ARHGEF18: variants seen among roughly 807,000 people sequenced by gnomAD.
The protein encoded by ARHGEF18 is rho guanine nucleotide exchange factor 18.
A neutral mutation model predicts 155.7 loss-of-function variants in ARHGEF18; 93 were observed. The observed-to-expected ratio is 0.60, with a 90% confidence interval of 0.50 to 0.71. The LOEUF (loss-of-function observed/expected upper bound fraction) is 0.71, where lower values mean the gene tolerates loss of function less well. ARHGEF18 is among the 30% of genes least tolerant of loss of function. The pLI, the probability that ARHGEF18 is intolerant of heterozygous loss-of-function variation, is 0.00. For synonymous variants in ARHGEF18, 742 were observed against 753.1 expected (o/e 0.99, Z 0.24); for missense variants, 1,593 against 1,816.1 (o/e 0.88, Z 2.23).
At chr19:7,474,088 C>T (rs573760156), downstream of ARHGEF18, among the ~76,000 whole-genome samples, 2 of 151,860 alleles carry the variant, frequency 1.3e-5, no homozygotes, top group Non-Finnish European at 2.9e-5. Flanking sequence ...CCTGTAATCC[C>T]AGCACTTTGG....
intron 10 of ARHGEF18, among the ~76,000 whole-genome samples, chr19:7,397,093 T>C (rs1381088828): frequency 2.9e-5 from 4 of 137,080 alleles, no homozygotes; most frequent in Non-Finnish European, 6.0e-5. Flanking sequence ...GCAAGCCTTT[T>C]TGCGAAAAAA....
At chr19:7,414,185 C>T (rs1972859083) in intron 10 of ARHGEF18, among the ~76,000 whole-genome samples, 1 of 152,124 alleles carries the variant, frequency 6.6e-6, no homozygotes, top group Non-Finnish European at 1.5e-5. Context: ...CCCTCTTCCC[C>T]CCTCACTCCC....
chr19:7,414,841 A>G (rs975928744), intron 10 of ARHGEF18, among the ~76,000 whole-genome samples: 4 of 151,394 alleles, frequency 2.6e-5, no homozygotes, highest in Non-Finnish European at 5.9e-5. Flanking sequence ...ATAAAAATAC[A>G]AAAATTAGCC....
intron 2 of ARHGEF18, among the ~76,000 whole-genome samples, chr19:7,370,182 G>T (rs1380541113): frequency 1.3e-4 from 20 of 152,056 alleles, no homozygotes; most frequent in Admixed American, 1.3e-3. Context: ...GGGTGACAGA[G>T]CAAGACTCTG....
Position 7,469,127 on chromosome 19 carries a change from C to T in ARHGEF18, c.3783C>T (p.Ser1261=), listed in dbSNP as rs201662579. The stretch of plus-strand genomic sequence containing the variant: ...GCAGGGGCTCTCAGCGCTGGGAGAG[C>T]TCAGGTGAGCCGGCCCCACCCCTTC... ...GKSRGSQRWE[S]SASFDLKQQL... The change falls in exon 27 of 29, where the codon AGC becomes AGT. Residue 1261 remains serine, a synonymous_variant. Transcript: ENST00000668164. 1.4e-3 allele frequency: 2,168 copies of T among 1,593,470 alleles called. 2 individuals carry two copies. The highest frequency in any genetic ancestry group is 1.8e-3 in the Non-Finnish European group (2,052 of 1,170,470).
intron 2 of ARHGEF18, among the ~76,000 whole-genome samples, chr19:7,363,129 T>C (rs1430642624): frequency 1.3e-5 from 2 of 152,022 alleles, no homozygotes; most frequent in African/African-American, 4.8e-5. Flanking sequence ...GATGAATGGA[T>C]GGATGGATAG....
chr19:7,445,104 GTTGGTTT>G lies in ARHGEF18; in HGVS notation c.1611+664_1611+670del, dbSNP rs1342729433. 5.9e-5 allele frequency among the ~76,000 whole-genome samples: 9 copies of G among 152,236 alleles called. No individual in the cohort carries two copies. In the South Asian group the frequency reaches 1.9e-3, roughly 32 times the overall value. On this transcript the variant is annotated intron_variant, in intron 14 of 28. Transcript: ENST00000668164. ...ATTCTTCTGTGCTCTTGTTTGGTTG[GTTGGTTT>G]TTGGTTTTTGGTTCAAGTCACTTAT... is the stretch of plus-strand genomic sequence containing the variant.
At chr19:7,387,956 T>TTACAGGCATGA (rs1971179334) in intron 10 of ARHGEF18, among the ~76,000 whole-genome samples, 1 of 150,278 alleles carries the variant, frequency 6.7e-6, no homozygotes, top group African/African-American at 2.4e-5. Context: ...TGAGCCACCG[T>TTACAGGCATGA]GTCTGGCTCA....
intron 10 of ARHGEF18, among the ~76,000 whole-genome samples, chr19:7,428,018 A>G (rs1340959461): frequency 6.6e-6 from 1 of 152,194 alleles, no homozygotes; most frequent in African/African-American, 2.4e-5. Context: ...AATAAGAGTA[A>G]CAGAGTCAAA....
At chr19:7,443,623 G>A (rs566018522) in intron 13 of ARHGEF18, among the ~76,000 whole-genome samples, 106 of 152,278 alleles carry the variant, frequency 7.0e-4, no homozygotes, top group African/African-American at 2.4e-3. Flanking sequence ...TTCGACATAC[G>A]AATTTTGGGG....
intron 5 of ARHGEF18, among the ~76,000 whole-genome samples, chr19:7,378,180 T>TAA (rs1203577807): frequency 6.6e-6 from 1 of 152,010 alleles, no homozygotes; most frequent in African/African-American, 2.4e-5. Flanking sequence ...AAGCACTTAG[T>TAA]AGGTTGTAAG....
Position 7,463,590 on chromosome 19 carries a change from C to A in ARHGEF18, c.2636-228C>A, listed in dbSNP as rs1175661398. 6.6e-6 allele frequency among the ~76,000 whole-genome samples: 1 copy of A among 152,230 alleles called. No individual in the cohort carries two copies. Among genetic ancestry groups the A allele is most frequent in the Non-Finnish European group, 1.5e-5 (1 of 68,032 alleles). ...GCCCTCCCCATGGCTGCCCCACAGC[C>A]CTGTCCTCTCACTTAGACGCAGATT... On this transcript the variant is annotated intron_variant, in intron 21 of 28. Coordinates refer to ENST00000668164, the MANE Select transcript of ARHGEF18 (RefSeq NM_001367823.1). This position sits in a 1 kb window ranked among gnomAD's most constrained non-coding sequence, Gnocchi z 5.2.
chr19:7,386,571 C>T (rs1354360637), intron 10 of ARHGEF18, among the ~76,000 whole-genome samples: 1 of 151,994 alleles, frequency 6.6e-6, no homozygotes, highest in African/African-American at 2.4e-5. Flanking sequence ...GGAAAAGGGC[C>T]CTGTGGATAG....
chr19:7,383,720 T>G (rs1285975480), intron 10 of ARHGEF18, among the ~76,000 whole-genome samples: 1 of 151,670 alleles, frequency 6.6e-6, no homozygotes, highest in African/African-American at 2.4e-5. Context: ...CCCACCACAC[T>G]CCAGTGTGGC....
chr19:7,459,778 C>A, intron 19 of ARHGEF18, 125 bp from the exon 20 acceptor site: 1 of 766,204 alleles, frequency 1.3e-6, no homozygotes, highest in Non-Finnish European at 2.1e-6. Flanking sequence ...TCCTGCACCA[C>A]GAACAAGCTA....
intron 10 of ARHGEF18, among the ~76,000 whole-genome samples, chr19:7,401,694 A>T (rs2145571575): frequency 6.6e-6 from 1 of 152,322 alleles, no homozygotes; most frequent in East Asian, 1.9e-4. Flanking sequence ...CCAAAGCTTA[A>T]ACCTTGAGTT....
At chr19:7,441,605 T>C (rs1462135416) in intron 11 of ARHGEF18, 48 bp from the exon 12 acceptor site, 2 of 1,458,884 alleles carry the variant, frequency 1.4e-6, no homozygotes, top group Admixed American at 3.4e-5. Flanking sequence ...AGGTCGTGTG[T>C]GTTTAATTCA....
At chr19:7,408,748 AAAC>A (rs1972487263) in intron 10 of ARHGEF18, among the ~76,000 whole-genome samples, 1 of 152,318 alleles carries the variant, frequency 6.6e-6, no homozygotes, top group South Asian at 2.1e-4. Context: ...CCCCAGATGA[AAAC>A]AACAAGACCG....
chr19:7,383,436 ATCC>A (rs1463492912), intron 10 of ARHGEF18: 9 of 410,404 alleles, frequency 2.2e-5, no homozygotes, highest in Non-Finnish European at 8.4e-6. Context: ...GATTGTGGGA[ATCC>A]TCCTGCAGCA....
Sources: allele counts gnomAD v4.1 joint callset (sites outside exome capture counted in the v4.1 genomes callset), GRCh38; gene constraint gnomAD v4.1.1; non-coding constraint Gnocchi (gnomAD v3.1); transcripts MANE v1.5; gene names NCBI Gene and HGNC (gene_info 2026-07-23, HGNC 2026-07-21).